Variants in ESR2 observed in about 807,000 individuals in gnomAD.
The protein encoded by ESR2 is estrogen receptor 2.
In ESR2, 36 loss-of-function variants were observed where a neutral mutation model predicts 49.6. The ratio of observed to expected loss-of-function variants is 0.73; its 90% CI spans 0.56 to 0.96. The LOEUF (loss-of-function observed/expected upper bound fraction) is 0.96, where lower values mean the gene tolerates loss of function less well. Ranked by LOEUF, ESR2 falls within the 40% of genes least tolerant of loss-of-function variation. The probability of loss-of-function intolerance (pLI) is 0.00; values close to 1 mark genes in which losing one functional copy is unlikely to be tolerated. For missense variants in ESR2, 714 were observed against 693.0 expected, an observed-to-expected ratio of 1.03 and a Z score of -0.34; for synonymous variants, 320 against 266.1, an observed-to-expected ratio of 1.20 and a Z score of -1.97.
chr14:64,329,616 A>C (rs1020640791), intron 1 of ESR2: 11 of 89,288 alleles, frequency 1.2e-4, no homozygotes, highest in Non-Finnish European at 2.0e-4. Flanking sequence ...CTCTATCAAA[A>C]AAAAAGAAAG....
rs1187308980 is a variant in ESR2, at chr14:64,260,483, C to T, written c.918G>A (p.Leu306=). ...MSLTKLADKE[L]VHMISWAKKI... is the part of the protein sequence containing the mutation. ...TCTTGGCCCAGCTGATCATGTGTACCAACTCCTTGTCGGCCAACTTGGTCA... is the reference window on the plus strand; with the variant it reads ...TCTTGGCCCAGCTGATCATGTGTACTAACTCCTTGTCGGCCAACTTGGTCA... Residue 306 remains leucine (L), a synonymous_variant, in exon 5 of 9, where the codon TTG becomes TTA. Transcript: ENST00000341099. 6.5e-7 allele frequency: 1 copy of T among 1,530,780 alleles called. No homozygotes were observed. Among genetic ancestry groups the T allele is most frequent in the Non-Finnish European group, 8.8e-7 (1 of 1,139,876 alleles). The allele number at this position is 1,530,780 out of a possible 1,614,324, so 94.8% of individuals were successfully genotyped here. A position where few individuals can be genotyped will look rare whatever the true frequency, so the allele number is the denominator to read the frequency against.
upstream of ESR2, among the ~76,000 whole-genome samples, chr14:64,298,046 G>C (rs982000798): frequency 2.0e-5 from 3 of 152,130 alleles, no homozygotes; most frequent in Non-Finnish European, 4.4e-5. Flanking sequence ...GAATGAAAAA[G>C]ATAGGATTAC....
At chr14:64,307,455 C>T (rs1472128027) in intron 1 of ESR2, among the ~76,000 whole-genome samples, 1 of 152,032 alleles carries the variant, frequency 6.6e-6, no homozygotes, top group African/African-American at 2.4e-5. Flanking sequence ...CCTCGTGATC[C>T]GCCCACCTCA....
At chr14:64,247,540 C>T (rs1255079906) in intron 7 of ESR2, among the ~76,000 whole-genome samples, 2 of 152,154 alleles carry the variant, frequency 1.3e-5, no homozygotes, top group Admixed American at 6.5e-5. Context: ...CCTGTTGTTT[C>T]AAGTATCGAA....
intron 7 of ESR2, among the ~76,000 whole-genome samples, chr14:64,243,342 A>ATC: frequency 6.6e-6 from 1 of 152,236 alleles, no homozygotes; most frequent in African/African-American, 2.4e-5. Context: ...ACTGTAATAG[A>ATC]TATAATGAAA....
At chr14:64,307,277 T>A (rs969317450) in intron 1 of ESR2, among the ~76,000 whole-genome samples, 2 of 152,086 alleles carry the variant, frequency 1.3e-5, no homozygotes, top group South Asian at 2.1e-4. Flanking sequence ...AGTGGCACGA[T>A]CTCGGCTCAC....
rs1419566039 is a variant in ESR2, at chr14:64,230,845, C to A, written c.*2292G>T. 1 of 134,394 alleles carries A rather than the reference C, an allele frequency of 7.4e-6. No homozygotes were observed. The highest frequency in any genetic ancestry group is 1.6e-5 in the Non-Finnish European group (1 of 64,516). 8.3% of individuals were successfully genotyped at this position (134,394 alleles called of 1,614,324 possible). A position where few individuals can be genotyped will look rare whatever the true frequency, so the allele number is the denominator to read the frequency against. ...GTAGAAGTGATCTCTGTCTTAAGAT[C>A]TACTCTCAAAAAAAAAAAATTATAT... On this transcript the variant is annotated 3_prime_UTR_variant, in exon 9 of 9. Transcript: ENST00000341099.
intron 1 of ESR2, among the ~76,000 whole-genome samples, chr14:64,326,644 C>T (rs971725150): frequency 2.0e-5 from 3 of 152,128 alleles, no homozygotes; most frequent in Admixed American, 6.6e-5. Context: ...CAGCACATGA[C>T]TGCCTTTATA....
Position 64,229,577 on chromosome 14 carries a change from TGATA to T in ESR2, c.*3556_*3559del, listed in dbSNP as rs2098725319. Among the ~76,000 whole-genome samples, 1 of 152,226 alleles carries T rather than the reference TGATA, an allele frequency of 6.6e-6. No individual in the cohort carries two copies. Among genetic ancestry groups the T allele is most frequent in the Non-Finnish European group, 1.5e-5 (1 of 68,046 alleles). ...GCAGCCGTGCATGTCAGGTTGCACCTGATAGATTCTGCAGTTTTAAAATATTTTT... is the reference window on the plus strand; with the variant it reads ...GCAGCCGTGCATGTCAGGTTGCACCTGATTCTGCAGTTTTAAAATATTTTT... On this transcript the variant is annotated 3_prime_UTR_variant, in exon 9 of 9. Transcript: ENST00000341099.
intron 1 of ESR2, among the ~76,000 whole-genome samples, chr14:64,315,552 G>A (rs1037799228): frequency 1.3e-5 from 2 of 151,812 alleles, no homozygotes; most frequent in African/African-American, 4.8e-5. Flanking sequence ...TTGACTCACT[G>A]CAACCTCTGC....
In ESR2 at chr14:64,251,424, C is replaced by CACACA. The variant is rs1469367281; in HGVS notation, c.1092-1750_1092-1746dup. Among the ~76,000 whole-genome samples the CACACA allele has an allele frequency of 5.0e-5, 7 of 139,194 alleles. No individual in the cohort carries two copies. In the South Asian group the frequency reaches 1.6e-3, roughly 31 times the overall value. The allele number at this position is 139,194 out of a possible 152,430, so 91.3% of individuals were successfully genotyped here. ...CATGCACAATACATACACACACACA[C>CACACA]ACACACTCACACACACCCCTCCCCA... is the stretch of plus-strand genomic sequence containing the variant. On this transcript the variant is annotated intron_variant, in intron 6 of 8. Transcript: ENST00000341099.
At chr14:64,293,890 CAACTTTCCAGT>C in intron 1 of ESR2, 132 bp downstream of exon 1, 1 of 152,356 alleles carries the variant, frequency 6.6e-6, no homozygotes, top group African/African-American at 2.4e-5. Context: ...ATGCATTTTC[CAACTTTCCAGT>C]AGCTTTCAGG....
In ESR2 at chr14:64,260,349, G is replaced by A. The variant is rs990904393; in HGVS notation, c.952+100C>T. The A allele has an allele frequency of 6.9e-6, 8 of 1,158,684 alleles. No homozygotes were observed. In the African/African-American group the frequency reaches 1.1e-4, roughly 15 times the overall value. 71.8% of individuals were successfully genotyped at this position (1,158,684 alleles called of 1,614,324 possible). On this transcript the variant is annotated intron_variant, in intron 5 of 8. Transcript: ENST00000341099. The stretch of plus-strand genomic sequence containing the variant: ...CAGCTGAGGACCTGTTAAATATCTA[G>A]GCACAGCTCATGGACCTCTACTTTG...
intron 7 of ESR2, among the ~76,000 whole-genome samples, chr14:64,236,227 C>T (rs191647848): frequency 6.6e-6 from 1 of 152,276 alleles, no homozygotes; most frequent in Admixed American, 6.5e-5. Flanking sequence ...AGTGCTTTGC[C>T]ACATCCCTAG....
intron 3 of ESR2, among the ~76,000 whole-genome samples, chr14:64,277,973 A>AG (rs2076590661): frequency 1.2e-5 from 1 of 85,306 alleles, no homozygotes; most frequent in Non-Finnish European, 2.1e-5. Flanking sequence ...TTTCCCCAAA[A>AG]GCAAAAAAAA....
At chr14:64,241,753 A>T (rs1412194597) in intron 7 of ESR2, among the ~76,000 whole-genome samples, 1 of 152,196 alleles carries the variant, frequency 6.6e-6, no homozygotes, top group Non-Finnish European at 1.5e-5. Context: ...CAATTGATTT[A>T]TATATATTGC....
chr14:64,290,431 T>C (rs1256028), intron 1 of ESR2, among the ~76,000 whole-genome samples: 145,055 of 152,134 alleles, frequency 0.95, 69,223 homozygotes, highest in East Asian at 1. Flanking sequence ...GAGATAGAGT[T>C]TTGCTTTGTT....
At chr14:64,315,298 T>C (rs1195927276) in intron 1 of ESR2, among the ~76,000 whole-genome samples, 1 of 149,622 alleles carries the variant, frequency 6.7e-6, no homozygotes, top group East Asian at 1.9e-4. Context: ...GTTACCAGTA[T>C]TCAGAATGCA....
chr14:64,267,860 G>T (rs1159590640), intron 4 of ESR2, among the ~76,000 whole-genome samples: 9 of 150,548 alleles, frequency 6.0e-5, no homozygotes, highest in Admixed American at 2.0e-4. Flanking sequence ...CTCCAGTCTG[G>T]GTGACAGAGC....
Sources: allele counts gnomAD v4.1 joint callset (sites outside exome capture counted in the v4.1 genomes callset), GRCh38; gene constraint gnomAD v4.1.1; transcripts MANE v1.5; gene names NCBI Gene and HGNC (gene_info 2026-07-23, HGNC 2026-07-21).